The following WDR70 variants were observed in gnomAD, a reference collection of about 807,000 sequenced individuals.
The protein encoded by WDR70 is WD repeat-containing protein 70.
In WDR70, 53 loss-of-function variants were observed where a neutral mutation model predicts 88.6. That is an observed-to-expected ratio of 0.60 (90% CI 0.48 to 0.75). WDR70 has a LOEUF of 0.75. Among genes scored for constraint, WDR70 ranks in the 30% least tolerant of loss-of-function variants. The probability of loss-of-function intolerance (pLI) is 0.00; values close to 1 mark genes in which losing one functional copy is unlikely to be tolerated. For synonymous variants in WDR70, 280 were observed against 270.0 expected, an observed-to-expected ratio of 1.04 and a Z score of -0.36; for missense variants, 610 against 823.2, an observed-to-expected ratio of 0.74 and a Z score of 3.17.
chr5:37,701,176 A>G (rs777819069), intron 12 of WDR70, 34 bp downstream of exon 12: 1 of 1,341,000 alleles, frequency 7.5e-7, no homozygotes, highest in South Asian at 1.2e-5. Flanking sequence ...TGATCAGCAT[A>G]GAAGAATGGA....
chr5:37,447,258 G>C (rs1294379098), intron 7 of WDR70, among the ~76,000 whole-genome samples: 1 of 152,174 alleles, frequency 6.6e-6, no homozygotes, highest in Non-Finnish European at 1.5e-5. Context: ...ACACCAGTTA[G>C]AATGGTGATC....
intron 10 of WDR70, among the ~76,000 whole-genome samples, chr5:37,627,011 C>A (rs1409118050): frequency 6.6e-6 from 1 of 151,630 alleles, no homozygotes; most frequent in Admixed American, 6.6e-5. Context: ...CTCTTTTTTT[C>A]TTTTTTTCTG....
intron 5 of WDR70, among the ~76,000 whole-genome samples, chr5:37,417,652 T>C (rs954326414): frequency 1.1e-4 from 17 of 151,960 alleles, no homozygotes; most frequent in African/African-American, 3.9e-4. Flanking sequence ...GATTCTCCTG[T>C]CTCAGCCTTC....
intron 9 of WDR70, among the ~76,000 whole-genome samples, chr5:37,526,608 A>G (rs1741282579): frequency 6.6e-6 from 1 of 152,232 alleles, no homozygotes; most frequent in African/African-American, 2.4e-5. Flanking sequence ...CTCCTATTCA[A>G]CATAGTGTTG....
chr5:37,698,642 G>C (rs1352130682), intron 11 of WDR70, among the ~76,000 whole-genome samples: 1 of 152,048 alleles, frequency 6.6e-6, no homozygotes, highest in Non-Finnish European at 1.5e-5. Flanking sequence ...CTAGGTGCTG[G>C]GTGTAAACCT....
intron 9 of WDR70, among the ~76,000 whole-genome samples, chr5:37,558,373 C>T (rs999021635): frequency 5.3e-5 from 8 of 151,968 alleles, no homozygotes; most frequent in Admixed American, 4.6e-4. Flanking sequence ...GTCTGGAATG[C>T]AGTGGCAGAA....
chr5:37,605,970 A>G (rs539606307), intron 10 of WDR70, among the ~76,000 whole-genome samples: 4 of 152,156 alleles, frequency 2.6e-5, no homozygotes, highest in Non-Finnish European at 5.9e-5. Context: ...GGATATCCTT[A>G]TTTTATAAAA....
At chr5:37,441,336 G>A (rs1750646655) in intron 6 of WDR70, among the ~76,000 whole-genome samples, 2 of 152,084 alleles carry the variant, frequency 1.3e-5, no homozygotes, top group Admixed American at 1.3e-4. Context: ...CATCTTTAGA[G>A]TTCATGTCTA....
chr5:37,662,974 G>A (rs984693002), intron 10 of WDR70, among the ~76,000 whole-genome samples: 1 of 152,172 alleles, frequency 6.6e-6, no homozygotes, highest in African/African-American at 2.4e-5. Flanking sequence ...CAGAGATTAT[G>A]TTTTACATCT....
At chr5:37,491,598 A>ACT (rs1228852872) in intron 8 of WDR70, among the ~76,000 whole-genome samples, 2 of 152,168 alleles carry the variant, frequency 1.3e-5, no homozygotes, top group African/African-American at 4.8e-5. Context: ...GGAAGTTAGA[A>ACT]GAGTTTTCAG....
intron 13 of WDR70, among the ~76,000 whole-genome samples, chr5:37,711,383 A>T (rs1326067541): frequency 1.3e-5 from 2 of 152,164 alleles, no homozygotes; most frequent in East Asian, 3.9e-4. Flanking sequence ...GACTTAACAG[A>T]TTTTACAACT....
intron 8 of WDR70, among the ~76,000 whole-genome samples, chr5:37,488,962 T>C (rs1268073168): frequency 6.6e-6 from 1 of 152,220 alleles, no homozygotes; most frequent in Non-Finnish European, 1.5e-5. Flanking sequence ...TATTTTTTCC[T>C]GTAGATGTAT....
intron 9 of WDR70, among the ~76,000 whole-genome samples, chr5:37,551,842 G>A (rs554372383): frequency 8.7e-4 from 110 of 125,728 alleles, no homozygotes; most frequent in African/African-American, 3.4e-3. Context: ...GTGCAATCTC[G>A]CTCACTGCAA....
At chr5:37,487,004 A>G (rs1739894929) in intron 8 of WDR70, among the ~76,000 whole-genome samples, 1 of 152,162 alleles carries the variant, frequency 6.6e-6, no homozygotes, top group Non-Finnish European at 1.5e-5. Context: ...CTCTTTTGGT[A>G]TTCTCAGGCT....
chr5:37,656,478 G>T (rs575449846), intron 10 of WDR70, among the ~76,000 whole-genome samples: 5 of 152,226 alleles, frequency 3.3e-5, no homozygotes, highest in Non-Finnish European at 7.3e-5. Flanking sequence ...GCGCTGTGCT[G>T]GGAGATCCAC....
chr5:37,480,500 A>G (rs993716278), intron 8 of WDR70, among the ~76,000 whole-genome samples: 1 of 152,160 alleles, frequency 6.6e-6, no homozygotes, highest in Non-Finnish European at 1.5e-5. Context: ...GGAGGTGCAA[A>G]GTCGTGTCTT....
At chr5:37,611,040 G>A (rs1297919817) in intron 10 of WDR70, among the ~76,000 whole-genome samples, 2 of 152,062 alleles carry the variant, frequency 1.3e-5, no homozygotes, top group African/African-American at 2.4e-5. Flanking sequence ...GGGAGAGGTG[G>A]CACTTGAGTC....
intron 9 of WDR70, among the ~76,000 whole-genome samples, chr5:37,564,522 A>AGG: frequency 5.0e-5 from 7 of 140,792 alleles, no homozygotes; most frequent in African/African-American, 1.5e-4. Flanking sequence ...CCGTGGAAAG[A>AGG]GAGGGAGAGG....
In WDR70 at chr5:37,645,884, T is replaced by A. The variant is rs1745219505; in HGVS notation, c.1092+40646T>A. Among the ~76,000 whole-genome samples, 5 of 152,240 alleles carry A rather than the reference T, an allele frequency of 3.3e-5. 1 individual carries two copies. The South Asian group carries it at 1.0e-3, about 32-fold the overall frequency. On this transcript the variant is annotated intron_variant, in intron 10 of 17. Transcript: ENST00000265107. Reference sequence around the variant, plus strand: ...CTTTGTGGATGAAGTGTGTTTCTTGTAAGCAACAGGTCATTGGGTCTTGTT... The same window carrying A: ...CTTTGTGGATGAAGTGTGTTTCTTGAAAGCAACAGGTCATTGGGTCTTGTT...
Sources: allele counts gnomAD v4.1 joint callset (sites outside exome capture counted in the v4.1 genomes callset), GRCh38; gene constraint gnomAD v4.1.1; transcripts MANE v1.5; gene names NCBI Gene and HGNC (gene_info 2026-07-23, HGNC 2026-07-21).